The following CFAP65 variants were observed in gnomAD, a reference collection of about 807,000 sequenced individuals.
CFAP65 encodes cilia and flagella associated protein 65, also known as cilia- and flagella-associated protein 65.
Under a neutral mutation model 208.0 loss-of-function variants are expected in CFAP65, and 155 were observed. That is an observed-to-expected ratio of 0.75 (90% CI 0.65 to 0.85). CFAP65 has a LOEUF of 0.85. CFAP65 is among the 40% of genes least tolerant of loss of function. The pLI, the probability that CFAP65 is intolerant of heterozygous loss-of-function variation, is 0.00. For synonymous variants in CFAP65, 970 were observed against 986.3 expected (o/e 0.98, Z 0.31); for missense variants, 2,294 against 2,451.3 (o/e 0.94, Z 1.36).
chr2:219,013,282 C>T lies in CFAP65; in HGVS notation c.3934G>A (p.Gly1312Ser). The change falls in exon 24 of 35, where the codon GGT (glycine) becomes AGT (serine). Residue 1312 changes from glycine (G) to serine (S), a missense_variant. Gly to Ser is a moderately conservative substitution (Grantham distance 56). This residue lies in a region of CFAP65 where 1,427 missense variants were observed against 1,438.7 expected (regional missense o/e 0.99). Transcript: ENST00000341552. ...ACCTGCCGTGGGGGTAGCGTGTCAC[C>T]AATGGGAATGGGGATGAACTGGTGG... Reference protein sequence around the residue: ...TTHQFIPIPIGDTLPPRQIYE... With the variant: ...TTHQFIPIPISDTLPPRQIYE... 1 of 1,613,806 alleles carries T rather than the reference C, an allele frequency of 6.2e-7. No individual in the cohort carries two copies. Among genetic ancestry groups the T allele is most frequent in the Non-Finnish European group, 8.5e-7 (1 of 1,179,806 alleles).
chr2:219,030,782 C>G lies in CFAP65; in HGVS notation c.1068G>C (p.Gln356His). Residue 356 changes from glutamine (Q) to histidine (H), a missense_variant, in exon 9 of 35, where the codon CAG becomes CAC. Coordinates refer to ENST00000341552, the MANE Select transcript of CFAP65 (RefSeq NM_194302.4). ...VSIKHKCPED[Q>H]DAEGFQKLLY... The stretch of plus-strand genomic sequence containing the variant: ...ACAGCTTCTGGAAGCCCTCGGCATC[C>G]TGGTCCTCCGGGCACTTGTGCTTTA... The G allele has an allele frequency of 6.2e-7, 1 of 1,614,190 alleles. No individual in the cohort carries two copies. Among genetic ancestry groups the G allele is most frequent in the Non-Finnish European group, 8.5e-7 (1 of 1,180,028 alleles).
At chr2:219,040,314 A>T (rs1459128401) in intron 2 of CFAP65, among the ~76,000 whole-genome samples, 1 of 152,178 alleles carries the variant, frequency 6.6e-6, no homozygotes, top group Middle Eastern at 3.2e-3. Context: ...CAGTTCCATC[A>T]GACACTCTCT....
chr2:219,029,157 A>G (rs370586610), intron 11 of CFAP65, among the ~76,000 whole-genome samples: 4 of 152,334 alleles, frequency 2.6e-5, no homozygotes, highest in African/African-American at 9.6e-5. Flanking sequence ...CTCCCAGCCC[A>G]TGAGCACAGC....
rs1167562125 is a variant in CFAP65, at chr2:219,010,500, G to C, written c.4308+46C>G. On this transcript the variant is annotated intron_variant, in intron 26 of 34. Transcript: ENST00000341552. Reference sequence around the variant, plus strand: ...TCTGTCTGGCCACCCTGGGCTCTGAGGCTCTCCCACAAGGCCTCAGGCCTT... The same window carrying C: ...TCTGTCTGGCCACCCTGGGCTCTGACGCTCTCCCACAAGGCCTCAGGCCTT... 3 of 1,579,906 alleles carry C rather than the reference G, an allele frequency of 1.9e-6. No homozygotes were observed. The South Asian group carries it at 3.5e-5, about 19-fold the overall frequency.
chr2:219,023,710 C>T (rs1947424979), intron 15 of CFAP65, among the ~76,000 whole-genome samples: 1 of 152,238 alleles, frequency 6.6e-6, no homozygotes. Context: ...CTATTGCTGG[C>T]CTGGACCCAA....
chr2:219,019,303 G>A lies in CFAP65; in HGVS notation c.3474-124C>T, dbSNP rs187086813. On this transcript the variant is annotated intron_variant, in intron 20 of 34. Coordinates refer to ENST00000341552, the MANE Select transcript of CFAP65 (RefSeq NM_194302.4). The stretch of plus-strand genomic sequence containing the variant: ...GAACTGGAGAATCTGGGACTCAGGC[G>A]CAAGGGTGGGCTGGCTCTTCAGACC... The A allele has an allele frequency of 2.6e-4, 342 of 1,292,072 alleles. 1 individual carries two copies. In the African/African-American group the frequency reaches 4.7e-3, roughly 18 times the overall value. 80.0% of individuals were successfully genotyped at this position (1,292,072 alleles called of 1,614,324 possible).
intron 21 of CFAP65, among the ~76,000 whole-genome samples, chr2:219,017,309 C>T (rs1382540699): frequency 2.0e-5 from 3 of 152,206 alleles, no homozygotes; most frequent in African/African-American, 4.8e-5. Context: ...AAAGCAGAGG[C>T]GCGAAGGGGA....
chr2:219,023,803 G>C (rs1438235189), intron 15 of CFAP65, among the ~76,000 whole-genome samples: 2 of 152,210 alleles, frequency 1.3e-5, no homozygotes, highest in Non-Finnish European at 2.9e-5. Flanking sequence ...CTTGGCCTCA[G>C]ACCCCATAAG....
chr2:219,008,582 T>C (rs1321878474), intron 29 of CFAP65, among the ~76,000 whole-genome samples: 1 of 151,998 alleles, frequency 6.6e-6, no homozygotes, highest in Non-Finnish European at 1.5e-5. Context: ...CCATCCCTAC[T>C]AAAAATACAA....
chr2:219,027,998 G>A lies in CFAP65; in HGVS notation c.1863C>T (p.Asp621=), dbSNP rs758019665. ...ALMIPIQDLE[D]MPAPQYPYIP... is the part of the protein sequence containing the mutation. ...TATAAGGGTACTGCGGGGCCGGCAT[G>A]TCCTCCAGATCCTGCATGGGGAAAG... is the stretch of plus-strand genomic sequence containing the variant. Residue 621 remains aspartate, a synonymous_variant, in exon 13 of 35, where the codon GAC becomes GAT. Coordinates refer to ENST00000341552, the MANE Select transcript of CFAP65 (RefSeq NM_194302.4). 3 of 1,517,112 alleles carry A rather than the reference G, an allele frequency of 2.0e-6. No individual in the cohort carries two copies. Among genetic ancestry groups the A allele is most frequent in the African/African-American group, 2.8e-5 (2 of 71,746 alleles). The allele number at this position is 1,517,112 out of a possible 1,614,324, so 94.0% of individuals were successfully genotyped here. A position where few individuals can be genotyped will look rare whatever the true frequency, so the allele number is the denominator to read the frequency against.
intron 27 of CFAP65, 103 bp downstream of exon 27, chr2:219,009,839 G>A (rs1946343504): frequency 2.0e-6 from 2 of 997,654 alleles, no homozygotes; most frequent in South Asian, 2.0e-5. Flanking sequence ...GATGGGGTTT[G>A]TGGGGTGGGA....
At chr2:219,033,836 T>C (rs1948197168) in intron 5 of CFAP65, 1 of 152,246 alleles carries the variant, frequency 6.6e-6, no homozygotes, top group East Asian at 1.9e-4. Flanking sequence ...AAAAAAAATG[T>C]CATTTTCCAT....
intron 8 of CFAP65, 22 bp from the exon 9 acceptor site, chr2:219,030,856 C>T (rs201297899): frequency 1.2e-6 from 2 of 1,608,036 alleles, no homozygotes; most frequent in South Asian, 2.2e-5. Context: ...ATGGGGGAGT[C>T]TTGGGGGAAC....
intron 5 of CFAP65, chr2:219,035,270 T>C (rs1574651965): frequency 6.9e-7 from 1 of 1,449,838 alleles, no homozygotes; most frequent in Non-Finnish European, 9.2e-7. Context: ...GAATACATTA[T>C]GGTACAGGCA....
chr2:219,012,878 T>C (rs1054244340), intron 24 of CFAP65, among the ~76,000 whole-genome samples: 1 of 152,264 alleles, frequency 6.6e-6, no homozygotes, highest in African/African-American at 2.4e-5. Flanking sequence ...TTGCATGTAG[T>C]AGTATAATTA....
Position 219,003,930 on chromosome 2 carries a change from T to C in CFAP65, c.5555+22A>G. ...TCTGCACTTCGCCTCCCTCCCGTCC[T>C]CACTGGGGCCTGGCTGCTCACCTTC... On this transcript the variant is annotated intron_variant, in intron 33 of 34. Transcript: ENST00000341552. The surrounding 1 kb of genome is among the most constrained non-coding windows in gnomAD (Gnocchi z 4.4). The C allele has an allele frequency of 6.3e-7, 1 of 1,599,410 alleles. No homozygotes were observed. The highest frequency in any genetic ancestry group is 8.5e-7 in the Non-Finnish European group (1 of 1,171,336).
chr2:219,023,882 C>T, intron 15 of CFAP65, 133 bp downstream of exon 15: 2 of 1,128,570 alleles, frequency 1.8e-6, no homozygotes, highest in East Asian at 4.7e-5. Flanking sequence ...TCTTTCCCTA[C>T]TATGCTACTT....
Position 219,035,473 on chromosome 2 carries a change from C to T in CFAP65, c.542+7G>A. 1.9e-6 allele frequency: 3 copies of T among 1,614,088 alleles called. No homozygotes were observed. The highest frequency in any genetic ancestry group is 2.2e-5 in the South Asian group (2 of 91,080). Reference sequence around the variant, plus strand: ...GGCACTGGGTCCTTGATCCCTTATACTGGTACCTGTACTTCATCTTCTGGA... The same window carrying T: ...GGCACTGGGTCCTTGATCCCTTATATTGGTACCTGTACTTCATCTTCTGGA... On this transcript the variant is annotated splice_region_variant and intron_variant, in intron 5 of 34. Transcript: ENST00000341552.
Position 219,004,142 on chromosome 2 carries a change from C to T in CFAP65, c.5365G>A (p.Glu1789Lys). 2 of 1,613,904 alleles carry T rather than the reference C, an allele frequency of 1.2e-6. No individual in the cohort carries two copies. Among genetic ancestry groups the T allele is most frequent in the South Asian group, 1.1e-5 (1 of 91,074 alleles). The stretch of plus-strand genomic sequence containing the variant: ...TCCTCTATCTCCTCCTTGCCCAACT[C>T]CTCCTCTTCTGTCTCCTCTTCTTCC... ...EEEEEETEEE[E>K]LGKEEIEEKE... Residue 1789 changes from glutamate to lysine, a missense_variant, in exon 33 of 35, where the codon GAG becomes AAG. By Grantham distance (56) the Glu-to-Lys change is moderately conservative. Transcript: ENST00000341552. The surrounding 1 kb of genome is among the most constrained non-coding windows in gnomAD (Gnocchi z 4.7).
Sources: allele counts gnomAD v4.1 joint callset (sites outside exome capture counted in the v4.1 genomes callset), GRCh38; gene constraint gnomAD v4.1.1; regional missense constraint gnomAD v4.1.1; non-coding constraint Gnocchi (gnomAD v3.1); transcripts MANE v1.5; gene names NCBI Gene and HGNC (gene_info 2026-07-23, HGNC 2026-07-21).